Variants in GRM3 observed in about 807,000 individuals in gnomAD.
GRM3 encodes metabotropic glutamate receptor 3.
GRM3 carries 26 observed loss-of-function variants against 70.5 expected under a neutral mutation model. That is an observed-to-expected ratio of 0.37 (90% CI 0.27 to 0.51). The LOEUF is 0.51. GRM3 is among the 20% of genes least tolerant of loss of function. The pLI is 0.93. For missense variants in GRM3, 859 were observed against 1,123.8 expected (o/e 0.76, Z 3.37); for synonymous variants, 443 against 434.9 (o/e 1.02, Z -0.23).
intron 3 of GRM3, among the ~76,000 whole-genome samples, chr7:86,798,128 A>G (rs1360190521): frequency 6.6e-6 from 1 of 152,154 alleles, no homozygotes; most frequent in Non-Finnish European, 1.5e-5. Context: ...CTAGGGCAGT[A>G]TAGAAGGAAA....
At chr7:86,670,881 T>C (rs538146298) in intron 1 of GRM3, among the ~76,000 whole-genome samples, 1 of 152,312 alleles carries the variant, frequency 6.6e-6, no homozygotes, top group African/African-American at 2.4e-5. Context: ...GAAGATATAC[T>C]GTGTTTTCTT....
chr7:86,733,511 T>A (rs186477576), intron 1 of GRM3, among the ~76,000 whole-genome samples: 1 of 151,980 alleles, frequency 6.6e-6, no homozygotes, highest in Non-Finnish European at 1.5e-5. Context: ...ATGGGCCAAC[T>A]CCAAAATTTA....
intron 1 of GRM3, among the ~76,000 whole-genome samples, chr7:86,730,359 G>A (rs918142376): frequency 2.0e-5 from 3 of 152,160 alleles, no homozygotes; most frequent in Non-Finnish European, 4.4e-5. Context: ...GGCGGAGGTT[G>A]CAGTGAGCCA....
intron 1 of GRM3, among the ~76,000 whole-genome samples, chr7:86,666,983 A>G (rs1038556829): frequency 4.6e-5 from 7 of 152,130 alleles, no homozygotes; most frequent in Non-Finnish European, 8.8e-5. Flanking sequence ...ATGAAATAAT[A>G]TGAGTGGGAA....
At chr7:86,652,295 A>G (rs148302629) in intron 1 of GRM3, among the ~76,000 whole-genome samples, 2 of 126,978 alleles carry the variant, frequency 1.6e-5, no homozygotes, top group East Asian at 5.4e-4. Context: ...GACAGGAAGG[A>G]AGATAATTTT....
chr7:86,864,564 G>A lies in GRM3; in HGVS notation c.*209G>A. Reference sequence around the variant, plus strand: ...GCCCCTATTATTAACAATTCCCCCAGAACATGGAAATAACCATTGTTTACA... The same window carrying A: ...GCCCCTATTATTAACAATTCCCCCAAAACATGGAAATAACCATTGTTTACA... On this transcript the variant is annotated 3_prime_UTR_variant, in exon 6 of 6. Transcript: ENST00000361669. 2.7e-6 allele frequency: 1 copy of A among 370,408 alleles called. No homozygotes were observed. The highest frequency in any genetic ancestry group is 5.0e-6 in the Non-Finnish European group (1 of 200,616). 22.9% of individuals were successfully genotyped at this position (370,408 alleles called of 1,614,324 possible).
chr7:86,775,769 G>A (rs191197700), intron 2 of GRM3, among the ~76,000 whole-genome samples: 3 of 152,086 alleles, frequency 2.0e-5, no homozygotes, highest in Non-Finnish European at 4.4e-5. Flanking sequence ...CTCTGTCTTT[G>A]TGTTCTCTCT....
At chr7:86,826,614 C>A (rs376264183) in intron 3 of GRM3, among the ~76,000 whole-genome samples, 1 of 152,158 alleles carries the variant, frequency 6.6e-6, no homozygotes, top group Admixed American at 6.5e-5. Context: ...TAATAGTAAC[C>A]TTAATATGGT....
At chr7:86,673,239 T>C (rs1172095488) in intron 1 of GRM3, among the ~76,000 whole-genome samples, 1 of 152,170 alleles carries the variant, frequency 6.6e-6, no homozygotes, top group Non-Finnish European at 1.5e-5. Flanking sequence ...CTAAAGACTT[T>C]CCTCTCTACT....
At chr7:86,745,217 G>A (rs2237553) in intron 1 of GRM3, among the ~76,000 whole-genome samples, 60,951 of 151,960 alleles carry the variant, frequency 0.4, 15,229 homozygotes, top group African/African-American at 0.71. Flanking sequence ...GATAAAGCCT[G>A]TTTGACTTGG....
At chr7:86,862,596 A>C (rs1798980871) in intron 5 of GRM3, among the ~76,000 whole-genome samples, 1 of 152,120 alleles carries the variant, frequency 6.6e-6, no homozygotes, top group African/African-American at 2.4e-5. Context: ...TAAGAAGAAG[A>C]AAAAAATCTC....
intron 1 of GRM3, among the ~76,000 whole-genome samples, chr7:86,701,186 G>T (rs765153839): frequency 3.2e-4 from 49 of 151,580 alleles, no homozygotes; most frequent in Non-Finnish European, 6.3e-4. Flanking sequence ...TCCAACCGAA[G>T]AATATTTTAT....
At chr7:86,661,002 C>T (rs992990524) in intron 1 of GRM3, among the ~76,000 whole-genome samples, 6 of 151,860 alleles carry the variant, frequency 4.0e-5, no homozygotes, top group Admixed American at 6.6e-5. Flanking sequence ...AATTCCTGTC[C>T]TCAAAGATCT....
intron 3 of GRM3, among the ~76,000 whole-genome samples, chr7:86,807,682 C>T (rs1797824673): frequency 6.6e-6 from 1 of 152,090 alleles, no homozygotes; most frequent in African/African-American, 2.4e-5. Flanking sequence ...ACAATCATGT[C>T]ATCTGCAAAC....
At chr7:86,650,350 T>A (rs1466198369) in intron 1 of GRM3, among the ~76,000 whole-genome samples, 2 of 152,020 alleles carry the variant, frequency 1.3e-5, no homozygotes, top group Non-Finnish European at 2.9e-5. Context: ...CACAATTTTT[T>A]AATTTATTTA....
At chr7:86,714,251 C>T (rs1795263348) in intron 1 of GRM3, among the ~76,000 whole-genome samples, 1 of 151,958 alleles carries the variant, frequency 6.6e-6, no homozygotes, top group African/African-American at 2.4e-5. Flanking sequence ...CTAAGGAGAC[C>T]AGGACTGACC....
In GRM3 at chr7:86,715,382, T is replaced by C. The variant is rs1795290962; in HGVS notation, c.-140-49624T>C. On this transcript the variant is annotated intron_variant, in intron 1 of 5. Transcript: ENST00000361669. ...TTCTACCACTTACTGACTCAAAAGA[T>C]AGGCACATTTCTTAACCTCCCTGAG... Among the ~76,000 whole-genome samples, 4 of 152,034 alleles carry C rather than the reference T, an allele frequency of 2.6e-5. No individual in the cohort carries two copies. In the South Asian group the frequency reaches 8.3e-4, roughly 31 times the overall value.
chr7:86,792,821 A>G (rs1178125337), intron 3 of GRM3, among the ~76,000 whole-genome samples: 2 of 152,132 alleles, frequency 1.3e-5, no homozygotes, highest in Non-Finnish European at 2.9e-5. Flanking sequence ...GGAAATTACT[A>G]TGTATCTTAC....
At position 86,765,171 on chromosome 7, in the gene GRM3, T is replaced by C; in HGVS notation, c.26T>C (p.Val9Ala). ...ATGAAGATGTTGACAAGACTGCAAG[T>C]TCTTACCTTAGCTTTGTTTTCAAAG... The part of the protein sequence containing the change: MKMLTRLQ[V>A]LTLALFSKGF... Residue 9 changes from valine to alanine, a missense_variant, in exon 2 of 6, where the codon GTT becomes GCT. Physicochemically the swap from Val to Ala is moderately conservative, Grantham distance 64 (BLOSUM62 0). Transcript: ENST00000361669. The C allele has an allele frequency of 6.3e-7, 1 of 1,592,104 alleles. No individual in the cohort carries two copies. Among genetic ancestry groups the C allele is most frequent in the South Asian group, 1.1e-5 (1 of 87,164 alleles).
Sources: gnomAD v4.1 joint callset for allele counts (sites outside exome capture counted in the v4.1 genomes callset) on GRCh38, gnomAD v4.1.1 for gene constraint, MANE v1.5 for transcripts, NCBI Gene and HGNC (gene_info 2026-07-23, HGNC 2026-07-21) for gene names.